Variants in APBB2 observed in about 807,000 individuals in gnomAD.
APBB2 encodes the protein Fe65-like 1.
APBB2 carries 38 observed loss-of-function variants against 82.5 expected under a neutral mutation model. The ratio of observed to expected loss-of-function variants is 0.46; its 90% CI spans 0.36 to 0.60. APBB2 has a LOEUF of 0.60. Among genes scored for constraint, APBB2 ranks in the 20% least tolerant of loss-of-function variants. APBB2 has a pLI of 0.00. For synonymous variants in APBB2, 341 were observed against 368.2 expected (o/e 0.93, Z 0.85); for missense variants, 772 against 972.3 (o/e 0.79, Z 2.74).
chr4:40,953,861 A>G (rs1050912212), intron 6 of APBB2, among the ~76,000 whole-genome samples: 1 of 152,112 alleles, frequency 6.6e-6, no homozygotes, highest in African/African-American at 2.4e-5. Context: ...GCTCTTCGTA[A>G]TTTGTGCTTT....
intron 17 of APBB2, among the ~76,000 whole-genome samples, chr4:40,821,254 G>A (rs1560603443): frequency 6.6e-6 from 1 of 152,216 alleles, no homozygotes; most frequent in Non-Finnish European, 1.5e-5. Context: ...AGGGATTCTT[G>A]TTTGTTTCCA....
At chr4:41,078,992 G>A (rs1736604554) in intron 3 of APBB2, among the ~76,000 whole-genome samples, 1 of 152,188 alleles carries the variant, frequency 6.6e-6, no homozygotes, top group Non-Finnish European at 1.5e-5. Flanking sequence ...TAGAACCAGA[G>A]ACATAAAGAG....
Position 40,930,456 on chromosome 4 carries a change from CGCGCGCGCGCGT to C in APBB2, c.1254+3988_1254+3999del, listed in dbSNP as rs1263480315. Among the ~76,000 whole-genome samples the C allele has an allele frequency of 6.6e-3, 824 of 124,576 alleles. 4 individuals carry two copies. The highest frequency in any genetic ancestry group is 0.026 in the African/African-American group (756 of 28,660). 81.7% of individuals were successfully genotyped at this position (124,576 alleles called of 152,430 possible). On this transcript the variant is annotated intron_variant, in intron 10 of 17. Coordinates refer to ENST00000508593, the MANE Select transcript of APBB2 (RefSeq NM_004307.2). ...GTGTGTGTGTGTGTGTGTGCGCGCG[CGCGCGCGCGCGT>C]GCGCGTGCGCGTATGCGTGTGTATG...
At chr4:40,907,671 CTTTTTTTTT>C (rs34413606) in intron 10 of APBB2, among the ~76,000 whole-genome samples, 1 of 94,866 alleles carries the variant, frequency 1.1e-5, no homozygotes, top group Admixed American at 1.3e-4. Context: ...GTGCCTGACC[CTTTTTTTTT>C]TTTTTTTTTT....
At chr4:41,176,812 T>C (rs1769920896) in intron 1 of APBB2, among the ~76,000 whole-genome samples, 1 of 151,978 alleles carries the variant, frequency 6.6e-6, no homozygotes, top group Non-Finnish European at 1.5e-5. Flanking sequence ...AAAACTAAAA[T>C]TATAAGAAAA....
intron 4 of APBB2, among the ~76,000 whole-genome samples, chr4:41,055,684 C>A (rs908814279): frequency 2.6e-5 from 4 of 152,210 alleles, no homozygotes; most frequent in Non-Finnish European, 1.5e-5. Context: ...AAAGCACAGA[C>A]TCTGGAGCTG....
chr4:40,994,898 T>G (rs1803209320), intron 6 of APBB2, among the ~76,000 whole-genome samples: 1 of 144,202 alleles, frequency 6.9e-6, no homozygotes, highest in Admixed American at 6.9e-5. Flanking sequence ...GGGAAAGAAA[T>G]AAAGAAGGAA....
chr4:41,050,058 A>G (rs1725376450), intron 4 of APBB2, among the ~76,000 whole-genome samples: 1 of 152,092 alleles, frequency 6.6e-6, no homozygotes, highest in South Asian at 2.1e-4. Context: ...TCCCTCCACT[A>G]TTGTCCTATG....
intron 12 of APBB2, chr4:40,880,369 T>TGA (rs1768129089): frequency 1.0e-6 from 1 of 985,438 alleles, no homozygotes; most frequent in Middle Eastern, 5.2e-4. Flanking sequence ...AATCTCAGGA[T>TGA]GATGACATTT....
chr4:40,923,235 A>G (rs1255047102), intron 10 of APBB2, among the ~76,000 whole-genome samples: 2 of 152,202 alleles, frequency 1.3e-5, no homozygotes, highest in Non-Finnish European at 2.9e-5. Context: ...TCGGCCTCCC[A>G]AAGTGCTGGG....
chr4:41,005,380 G>A (rs933599135), intron 6 of APBB2, among the ~76,000 whole-genome samples: 5 of 151,828 alleles, frequency 3.3e-5, no homozygotes, highest in Middle Eastern at 3.2e-3. Flanking sequence ...GAGCCACAGC[G>A]CCTGGCCAAC....
chr4:40,865,260 C>T (rs1240420472), intron 12 of APBB2, among the ~76,000 whole-genome samples: 2 of 152,178 alleles, frequency 1.3e-5, no homozygotes, highest in African/African-American at 2.4e-5. Flanking sequence ...TGCACAGGGA[C>T]ACACAGTCAC....
chr4:41,021,423 T>TAAATGCACCAATCAGCACTCTGTAA, intron 5 of APBB2, among the ~76,000 whole-genome samples: 1 of 152,080 alleles, frequency 6.6e-6, no homozygotes, highest in East Asian at 1.9e-4. Flanking sequence ...TAGAGGATTG[T>TAAATGCACCAATCAGCACTCTGTAA]AAATGCACCA....
intron 12 of APBB2, among the ~76,000 whole-genome samples, chr4:40,869,599 A>T (rs977146121): frequency 2.0e-5 from 3 of 152,150 alleles, no homozygotes; most frequent in Non-Finnish European, 4.4e-5. Flanking sequence ...AAAGAAAAAA[A>T]ATAAAAGAGG....
At chr4:41,118,100 G>C (rs1393352615) in intron 2 of APBB2, 1 of 152,268 alleles carries the variant, frequency 6.6e-6, no homozygotes, top group Non-Finnish European at 1.5e-5. Flanking sequence ...TGTGGTCCCA[G>C]CTATTCAGGA....
rs1000149072 is a variant in APBB2, at chr4:41,100,736, C to A, written c.-246G>T. On this transcript the variant is annotated 5_prime_UTR_variant, in exon 3 of 18. Coordinates refer to ENST00000508593, the MANE Select transcript of APBB2 (RefSeq NM_004307.2). ...GCAAGCACCCAAGGAGGTCAGGCAGCCCAAAGAGATCGATCTAGAAAGTGT... is the reference window on the plus strand; with the variant it reads ...GCAAGCACCCAAGGAGGTCAGGCAGACCAAAGAGATCGATCTAGAAAGTGT... 1.3e-5 allele frequency: 2 copies of A among 152,046 alleles called. No homozygotes were observed. Among genetic ancestry groups the A allele is most frequent in the African/African-American group, 4.8e-5 (2 of 41,408 alleles). 9.4% of individuals were successfully genotyped at this position (152,046 alleles called of 1,614,324 possible).
chr4:40,994,436 G>T (rs1436596427), intron 6 of APBB2, among the ~76,000 whole-genome samples: 1 of 152,254 alleles, frequency 6.6e-6, no homozygotes, highest in East Asian at 1.9e-4. Context: ...TCAGTCAATG[G>T]ATCAAAACCA....
chr4:40,874,339 G>GT (rs1235619371), intron 12 of APBB2, among the ~76,000 whole-genome samples: 1 of 152,158 alleles, frequency 6.6e-6, no homozygotes, highest in African/African-American at 2.4e-5. Flanking sequence ...CTGCATTTCA[G>GT]TTTTTTATCC....
intron 3 of APBB2, among the ~76,000 whole-genome samples, chr4:41,077,003 T>C (rs987087900): frequency 2.0e-4 from 8 of 39,658 alleles, no homozygotes; most frequent in African/African-American, 8.1e-4. Flanking sequence ...AGGATAAAAA[T>C]CAGGATTTTT....
Sources: allele counts gnomAD v4.1 joint callset (sites outside exome capture counted in the v4.1 genomes callset), GRCh38; gene constraint gnomAD v4.1.1; transcripts MANE v1.5; gene names NCBI Gene and HGNC (gene_info 2026-07-23, HGNC 2026-07-21).